Variants in TNXB observed in about 807,000 individuals in gnomAD.
The protein encoded by TNXB is tenascin XB.
TNXB carries 183 observed loss-of-function variants against 340.5 expected under a neutral mutation model. The observed-to-expected ratio is 0.54, with a 90% CI of 0.48 to 0.61. The LOEUF is 0.61. Ranked by LOEUF, TNXB falls within the 20% of genes least tolerant of loss-of-function variation. TNXB has a pLI of 0.00. For missense variants in TNXB, 4,613 were observed against 5,446.4 expected (o/e 0.85, Z 4.82); for synonymous variants, 2,121 against 2,314.5 (o/e 0.92, Z 2.40).
At position 32,089,002 on chromosome 6, in the gene TNXB, T is replaced by C. The variant is rs1179322894; in HGVS notation, c.2562A>G (p.Thr854=). 2.7e-5 allele frequency: 44 copies of C among 1,610,890 alleles called. No homozygotes were observed. Among genetic ancestry groups the C allele is most frequent in the Non-Finnish European group, 3.3e-5 (39 of 1,178,930 alleles). The change falls in exon 6 of 44, where the codon ACA becomes ACG. Residue 854 remains threonine, a synonymous_variant. Transcript: ENST00000644971. The surrounding 1 kb of genome is among the most constrained non-coding windows in gnomAD (Gnocchi z 6.2). ...QDLRVVAVTP[T]TLELGWLRPQ... Reference sequence around the variant, plus strand: ...GACGCAGCCAGCCAAGCTCCAGTGTTGTCGGTGTCACAGCCACCACTCGGA... The same window carrying C: ...GACGCAGCCAGCCAAGCTCCAGTGTCGTCGGTGTCACAGCCACCACTCGGA...
chr6:32,062,353 C>T lies in TNXB; in HGVS notation c.6972G>A (p.Thr2324=), dbSNP rs202133293. 620 of 1,613,540 alleles carry T rather than the reference C, an allele frequency of 3.8e-4. 1 individual carries two copies. The Middle Eastern group carries it at 8.4e-3, about 22-fold the overall frequency. ...ATPDSLSLSW[T]VPEGQFDHFL... ...AGTGGTCAAACTGTCCCTCGGGAAC[C>T]GTCCAGGACAGGCTGAGGGAGTCAG... The change falls in exon 20 of 44, where the codon ACG becomes ACA. Residue 2324 remains threonine (T), a synonymous_variant. Coordinates refer to ENST00000644971, the MANE Select transcript of TNXB (RefSeq NM_001365276.2). This position sits in a 1 kb window ranked among gnomAD's most constrained non-coding sequence, Gnocchi z 4.3.
At position 32,064,978 on chromosome 6, in the gene TNXB, A is replaced by C. The variant is rs752651618; in HGVS notation, c.6684T>G (p.Phe2228Leu). The change falls in exon 19 of 44, where the codon TTT becomes TTG. Residue 2228 changes from phenylalanine to leucine, a missense_variant. Physicochemically the swap from Phe to Leu is conservative, Grantham distance 22. Around this residue, in one of 7 missense-constraint regions of TNXB, gnomAD observed 4,327 missense variants for 4,859.4 expected, o/e 0.89. Coordinates refer to ENST00000644971, the MANE Select transcript of TNXB (RefSeq NM_001365276.2). This position sits in a 1 kb window ranked among gnomAD's most constrained non-coding sequence, Gnocchi z 5.3. ...EGQFDHFLVQFKNGDGQPKAV... is the reference protein window; with the variant it reads ...EGQFDHFLVQLKNGDGQPKAV... ...CCTTGGGCTGCCCGTCCCCATTCTT[A>C]AACTGGACCAAGAAATGGTCAAACT... is the stretch of plus-strand genomic sequence containing the variant. 1.2e-6 allele frequency: 2 copies of C among 1,612,568 alleles called. No homozygotes were observed. The highest frequency in any genetic ancestry group is 1.7e-6 in the Non-Finnish European group (2 of 1,179,794).
In TNXB at chr6:32,069,190, C is replaced by T; in HGVS notation, c.5588-54G>A. ...TGGCTGGTGTGTCGCTGCACCCAGA[C>T]TCTCAGGAGGAGTGAGGGAGGAGAG... On this transcript the variant is annotated intron_variant, in intron 15 of 43. Coordinates refer to ENST00000644971, the MANE Select transcript of TNXB (RefSeq NM_001365276.2). The surrounding 1 kb of genome is among the most constrained non-coding windows in gnomAD (Gnocchi z 6.2). 6 of 1,530,800 alleles carry T rather than the reference C, an allele frequency of 3.9e-6. No homozygotes were observed. The highest frequency in any genetic ancestry group is 5.3e-6 in the Non-Finnish European group (6 of 1,136,952). The allele number at this position is 1,530,800 out of a possible 1,614,324, so 94.8% of individuals were successfully genotyped here. A position where few individuals can be genotyped will look rare whatever the true frequency, so the allele number is the denominator to read the frequency against.
chr6:32,056,065 C>T lies in TNXB; in HGVS notation c.8253G>A (p.Ser2751=), dbSNP rs768504285. The change falls in exon 24 of 44, where the codon TCG becomes TCA. Residue 2751 remains serine, a synonymous_variant. Transcript: ENST00000644971. ...ELTVTGSSPD[S]LSLSWTIPQG... ...GGGGGATGGTCCAGGAGAGGCTCAG[C>T]GAGTCAGGGGAGGATCCTGTCACTG... 8 of 1,612,804 alleles carry T rather than the reference C, an allele frequency of 5.0e-6. No homozygotes were observed. Among genetic ancestry groups the T allele is most frequent in the East Asian group, 2.2e-5 (1 of 44,880 alleles).
In TNXB at chr6:32,048,459, C is replaced by T. The variant is rs1346548429; in HGVS notation, c.9949G>A (p.Val3317Ile). Residue 3317 changes from valine to isoleucine, a missense_variant, in exon 29 of 44, where the codon GTC becomes ATC. Physicochemically the swap from Val to Ile is conservative, Grantham distance 29. Transcript: ENST00000644971. ...PVSGDLRAVA[V>I]SGLDPARKYK... Reference sequence around the variant, plus strand: ...TTGCGGGCCGGGTCCAGCCCCGAGACGGCGACCGCTCGGAGGTCTCCGCTC... The same window carrying T: ...TTGCGGGCCGGGTCCAGCCCCGAGATGGCGACCGCTCGGAGGTCTCCGCTC... 10 of 1,589,922 alleles carry T rather than the reference C, an allele frequency of 6.3e-6. No homozygotes were observed. The highest frequency in any genetic ancestry group is 3.4e-5 in the Admixed American group (2 of 58,726).
chr6:32,092,701 AAAAAG>A (rs1292936367), intron 4 of TNXB, among the ~76,000 whole-genome samples: 14 of 150,646 alleles, frequency 9.3e-5, no homozygotes, highest in African/African-American at 2.7e-4. Flanking sequence ...AAAAAAAAAA[AAAAAG>A]AAAGAAAGAA....
chr6:32,054,351 C>T (rs1324766213), intron 24 of TNXB, among the ~76,000 whole-genome samples: 1 of 152,222 alleles, frequency 6.6e-6, no homozygotes, highest in Non-Finnish European at 1.5e-5. Flanking sequence ...TCAGCACAGA[C>T]CTGGGCAACC....
chr6:32,103,460 C>A (rs966986751), intron 1 of TNXB, among the ~76,000 whole-genome samples: 12 of 150,622 alleles, frequency 8.0e-5, no homozygotes, highest in African/African-American at 1.2e-4. Flanking sequence ...CCTTAAAAAA[C>A]CTATCCCCAA....
At chr6:32,059,511 C>T (rs1777886392) in intron 21 of TNXB, among the ~76,000 whole-genome samples, 1 of 149,928 alleles carries the variant, frequency 6.7e-6, no homozygotes, top group Non-Finnish European at 1.5e-5. Context: ...CAGCAATACA[C>T]ATAGAACAGG....
chr6:32,067,750 C>A lies in TNXB; in HGVS notation c.6455G>T (p.Gly2152Val). ...CTTGTACTTGCGCCCAGGCTCCAGGCCCCCCACGGTGACTTCACTCTCCTC... is the reference window on the plus strand; with the variant it reads ...CTTGTACTTGCGCCCAGGCTCCAGGACCCCCACGGTGACTTCACTCTCCTC... ...GGEESEVTVGGLEPGRKYKMH... is the reference protein window; with the variant it reads ...GGEESEVTVGVLEPGRKYKMH... The change falls in exon 18 of 44, where the codon GGC becomes GTC. Residue 2152 changes from glycine (G) to valine (V), a missense_variant. Physicochemically the swap from Gly to Val is moderately radical, Grantham distance 109 (BLOSUM62 -3). Transcript: ENST00000644971. This position sits in a 1 kb window ranked among gnomAD's most constrained non-coding sequence, Gnocchi z 4.2. The A allele has an allele frequency of 6.2e-7, 1 of 1,613,778 alleles. No individual in the cohort carries two copies. The highest frequency in any genetic ancestry group is 8.5e-7 in the Non-Finnish European group (1 of 1,179,886).
Position 32,080,339 on chromosome 6 carries a change from T to C in TNXB, c.4043-974A>G, listed in dbSNP as rs1779365814. ...CATTCTCCTGCCTCATCCTCTTGAG[T>C]AGCTGGGACTACAGGCACCTGCCAC... On this transcript the variant is annotated intron_variant, in intron 10 of 43. Coordinates refer to ENST00000644971, the MANE Select transcript of TNXB (RefSeq NM_001365276.2). This position sits in a 1 kb window ranked among gnomAD's most constrained non-coding sequence, Gnocchi z 4.3. Among the ~76,000 whole-genome samples the C allele has an allele frequency of 6.6e-6, 1 of 152,072 alleles. No individual in the cohort carries two copies.
chr6:32,097,148 G>A lies in TNXB; in HGVS notation c.705C>T (p.Cys235=). ...AGTCGGGGCCTGAGAAGCCTGCCCG[G>A]CACACACACACGCCCTGCACGCAGC... ...RGRCVQGVCV[C]RAGFSGPDCS... is the part of the protein sequence containing the mutation. The change falls in exon 3 of 44, where the codon TGC becomes TGT. Residue 235 remains cysteine, a synonymous_variant. Transcript: ENST00000644971. The surrounding 1 kb of genome is among the most constrained non-coding windows in gnomAD (Gnocchi z 5.9). 6.2e-7 allele frequency: 1 copy of A among 1,600,328 alleles called. No homozygotes were observed. Among genetic ancestry groups the A allele is most frequent in the Non-Finnish European group, 8.5e-7 (1 of 1,174,276 alleles).
Position 32,058,284 on chromosome 6 carries a change from G to A in TNXB, c.7599C>T (p.Ser2533=), listed in dbSNP as rs1777800159. 1.9e-6 allele frequency: 3 copies of A among 1,612,238 alleles called. No homozygotes were observed. The highest frequency in any genetic ancestry group is 1.7e-5 in the Admixed American group (1 of 60,002). The stretch of plus-strand genomic sequence containing the variant: ...AGGAAAGGCTCAGCGAGTCAGGGGA[G>A]GATCCTGTCACTGTCAGCTCCCCCA... ...PLLGELTVTG[S]SPDSLSLSWT... is the part of the protein sequence containing the mutation. The change falls in exon 22 of 44, where the codon TCC becomes TCT. Residue 2533 remains serine (S), a synonymous_variant. Coordinates refer to ENST00000644971, the MANE Select transcript of TNXB (RefSeq NM_001365276.2). This position sits in a 1 kb window ranked among gnomAD's most constrained non-coding sequence, Gnocchi z 5.1.
chr6:32,043,831 G>T lies in TNXB; in HGVS notation c.11448C>A (p.Ile3816=). Reference sequence around the variant, plus strand: ...CGGTCACCTCATAGCGAGCGCCTGGGATCAGCCCCTGGAGTTTCTGGGTCC... The same window carrying T: ...CGGTCACCTCATAGCGAGCGCCTGGTATCAGCCCCTGGAGTTTCTGGGTCC... ...QARTQKLQGL[I]PGARYEVTVV... Residue 3816 remains isoleucine (I), a synonymous_variant, in exon 35 of 44, where the codon ATC becomes ATA. Transcript: ENST00000644971. 1 of 1,613,674 alleles carries T rather than the reference G, an allele frequency of 6.2e-7. No individual in the cohort carries two copies. Among genetic ancestry groups the T allele is most frequent in the Non-Finnish European group, 8.5e-7 (1 of 1,180,002 alleles).
rs1777160321 is a variant in TNXB, at chr6:32,049,915, T to G, written c.9439+83A>C. 84 of 1,593,712 alleles carry G rather than the reference T, an allele frequency of 5.3e-5. No homozygotes were observed. The highest frequency in any genetic ancestry group is 6.8e-5 in the Non-Finnish European group (79 of 1,166,392). On this transcript the variant is annotated intron_variant, in intron 27 of 43. Transcript: ENST00000644971. This position sits in a 1 kb window ranked among gnomAD's most constrained non-coding sequence, Gnocchi z 4.5. ...TTCTGTGGTGCTGACCAGACCCCTG[T>G]CCCATTCCCCACCAGTCATCACCAA...
chr6:32,100,386 T>G (rs551948553), intron 1 of TNXB, among the ~76,000 whole-genome samples: 4 of 152,314 alleles, frequency 2.6e-5, no homozygotes, highest in African/African-American at 9.6e-5. Flanking sequence ...ATTACAGGCT[T>G]GAGTCACTGC....
Position 32,042,487 on chromosome 6 carries a change from A to G in TNXB, c.12178T>C (p.Cys4060Arg). The change falls in exon 40 of 44, where the codon TGC becomes CGC. Residue 4060 changes from cysteine to arginine, a missense_variant. Cys to Arg is a radical substitution (Grantham distance 180). Coordinates refer to ENST00000644971, the MANE Select transcript of TNXB (RefSeq NM_001365276.2). The part of the protein sequence containing the change: ...GNRERPLNVF[C>R]DMETDGGGWL... Reference sequence around the variant, plus strand: ...CCGCCCCCATCAGTCTCCATGTCGCAAAACACGTTCAGGGGCCGCTCGCGG... The same window carrying G: ...CCGCCCCCATCAGTCTCCATGTCGCGAAACACGTTCAGGGGCCGCTCGCGG... 6.2e-7 allele frequency: 1 copy of G among 1,612,782 alleles called. No individual in the cohort carries two copies. Among genetic ancestry groups the G allele is most frequent in the Non-Finnish European group, 8.5e-7 (1 of 1,179,988 alleles).
In TNXB at chr6:32,053,491, C is replaced by G. The variant is rs754613127; in HGVS notation, c.8688G>C (p.Gly2896=). The G allele has an allele frequency of 1.2e-6, 2 of 1,613,312 alleles. No individual in the cohort carries two copies. The highest frequency in any genetic ancestry group is 1.7e-5 in the Admixed American group (1 of 60,010). ...CTGGCTCCAGGCCTGAGATGGTGAC[C>G]CCGTCCTCGTGCCCCGGCACCCGCA... ...KVVRVPGHED[G]VTISGLEPDH... The change falls in exon 25 of 44, where the codon GGG becomes GGC. Residue 2896 remains glycine, a synonymous_variant. Coordinates refer to ENST00000644971, the MANE Select transcript of TNXB (RefSeq NM_001365276.2).
intron 21 of TNXB, among the ~76,000 whole-genome samples, chr6:32,059,431 A>G (rs1409110010): frequency 4.0e-5 from 6 of 149,852 alleles, no homozygotes; most frequent in Non-Finnish European, 7.4e-5. Flanking sequence ...AAAAAAAAAA[A>G]AAAAAGAAAA....
Sources: allele counts gnomAD v4.1 joint callset (sites outside exome capture counted in the v4.1 genomes callset), GRCh38; gene constraint gnomAD v4.1.1; regional missense constraint gnomAD v4.1.1; non-coding constraint Gnocchi (gnomAD v3.1); transcripts MANE v1.5; gene names NCBI Gene and HGNC (gene_info 2026-07-23, HGNC 2026-07-21).